GREB1L: variants seen among roughly 807,000 people sequenced by gnomAD.
GREB1L encodes the protein GREB1-like protein.
In GREB1L, 17 loss-of-function variants were observed where a neutral mutation model predicts 200.8. The ratio of observed to expected loss-of-function variants is 0.08; its 90% CI spans 0.06 to 0.13. GREB1L has a LOEUF of 0.13. GREB1L is among the 10% of genes least tolerant of loss of function. GREB1L has a pLI of 1.00. For synonymous variants in GREB1L, 789 were observed against 893.0 expected (o/e 0.88, Z 2.08); for missense variants, 1,657 against 2,367.7 (o/e 0.70, Z 6.23).
chr18:21,518,307 A>G, intron 31 of GREB1L, 73 bp downstream of exon 31: 2 of 1,388,300 alleles, frequency 1.4e-6, no homozygotes, highest in Admixed American at 2.5e-5. Flanking sequence ...TGTTTACAAA[A>G]AAGGAGCCTG....
intron 2 of GREB1L, among the ~76,000 whole-genome samples, chr18:21,374,827 A>G (rs967409431): frequency 2.0e-5 from 3 of 151,460 alleles, no homozygotes; most frequent in Non-Finnish European, 2.9e-5. Context: ...TACTTAATCA[A>G]AAGGGGAACT....
intron 1 of GREB1L, among the ~76,000 whole-genome samples, chr18:21,243,785 T>C (rs934161333): frequency 3.3e-5 from 5 of 152,232 alleles, no homozygotes; most frequent in African/African-American, 1.2e-4. Context: ...GTAATACAGT[T>C]ACATGCATAT....
Position 21,252,983 on chromosome 18 carries a change from A to G in GREB1L, c.-120+10590A>G, listed in dbSNP as rs189461530. On this transcript the variant is annotated intron_variant, in intron 1 of 32. Transcript: ENST00000424526. ...TATTTCAGTCTTAGCTCATAAGCCAAATTATGAGAACAGAGCTTAGAAAAT... is the reference window on the plus strand; with the variant it reads ...TATTTCAGTCTTAGCTCATAAGCCAGATTATGAGAACAGAGCTTAGAAAAT... Among the ~76,000 whole-genome samples, 3 of 152,338 alleles carry G rather than the reference A, an allele frequency of 2.0e-5. 1 individual carries two copies. The highest frequency in any genetic ancestry group is 1.3e-4 in the Admixed American group (2 of 15,298).
At chr18:21,430,581 C>CTTTTTTT (rs147151717) in intron 7 of GREB1L, among the ~76,000 whole-genome samples, 1 of 60,216 alleles carries the variant, frequency 1.7e-5, no homozygotes, top group Non-Finnish European at 3.1e-5. Flanking sequence ...GATTTGGGAT[C>CTTTTTTT]TTTTTTTTTT....
chr18:21,479,055 T>C (rs1278161713), intron 17 of GREB1L, among the ~76,000 whole-genome samples: 5 of 151,926 alleles, frequency 3.3e-5, no homozygotes, highest in African/African-American at 1.2e-4. Context: ...TTAATTTTTG[T>C]TTTTTTAATA....
chr18:21,273,325 A>C (rs1321817083), intron 1 of GREB1L, among the ~76,000 whole-genome samples: 1 of 152,234 alleles, frequency 6.6e-6, no homozygotes, highest in Non-Finnish European at 1.5e-5. Flanking sequence ...ATTTTGTCAC[A>C]TCTAGTTCTA....
chr18:21,448,672 G>A (rs1293225448), intron 11 of GREB1L, among the ~76,000 whole-genome samples: 1 of 152,200 alleles, frequency 6.6e-6, no homozygotes, highest in Non-Finnish European at 1.5e-5. Flanking sequence ...AGAAATGATT[G>A]AATAGAGGGA....
At chr18:21,386,523 T>C (rs1229110580) in intron 4 of GREB1L, among the ~76,000 whole-genome samples, 1 of 151,020 alleles carries the variant, frequency 6.6e-6, no homozygotes, top group East Asian at 2.0e-4. Context: ...ACTCCTGACC[T>C]CATGATCCAC....
At chr18:21,519,403 CA>C (rs1190546201) in intron 31 of GREB1L, among the ~76,000 whole-genome samples, 1 of 152,134 alleles carries the variant, frequency 6.6e-6, no homozygotes, top group Non-Finnish European at 1.5e-5. Context: ...TTCAAGGTTG[CA>C]GTGATCTGAT....
intron 17 of GREB1L, among the ~76,000 whole-genome samples, chr18:21,482,320 C>T (rs2145779359): frequency 6.6e-6 from 1 of 152,340 alleles, no homozygotes; most frequent in East Asian, 1.9e-4. Context: ...TGCAGTGGCA[C>T]GATCTCAGCT....
chr18:21,269,670 A>G (rs1228605290), intron 1 of GREB1L, among the ~76,000 whole-genome samples: 2 of 152,240 alleles, frequency 1.3e-5, no homozygotes, highest in Non-Finnish European at 2.9e-5. Context: ...AATAGTAAGA[A>G]AAAAAAGGAT....
At position 21,481,524 on chromosome 18, in the gene GREB1L, G is replaced by A. The variant is rs866791449; in HGVS notation, c.2557-4096G>A. Among the ~76,000 whole-genome samples, 71 of 137,380 alleles carry A rather than the reference G, an allele frequency of 5.2e-4. No homozygotes were observed. In the Middle Eastern group the frequency reaches 0.02, roughly 38 times the overall value. 90.1% of individuals were successfully genotyped at this position (137,380 alleles called of 152,430 possible). On this transcript the variant is annotated intron_variant, in intron 17 of 32. Transcript: ENST00000424526. ...CATTATTAGAATTTACCTGTTTCTT[G>A]TTTATATTAACAATGTAAATGTACA...
intron 1 of GREB1L, among the ~76,000 whole-genome samples, chr18:21,264,503 G>A (rs201921314): frequency 5.3e-5 from 8 of 152,220 alleles, no homozygotes; most frequent in African/African-American, 1.9e-4. Flanking sequence ...TAGAATACTC[G>A]GATTTAGAGG....
chr18:21,460,402 A>G (rs566404798), intron 15 of GREB1L, among the ~76,000 whole-genome samples: 1 of 152,082 alleles, frequency 6.6e-6, no homozygotes, highest in South Asian at 2.1e-4. Flanking sequence ...TTGGAGTGCA[A>G]TGGCACAGAC....
intron 4 of GREB1L, among the ~76,000 whole-genome samples, chr18:21,394,655 C>A (rs555714224): frequency 6.6e-6 from 1 of 152,236 alleles, no homozygotes; most frequent in South Asian, 2.1e-4. Flanking sequence ...TCACCAAATT[C>A]TGAGCTTCAG....
intron 1 of GREB1L, among the ~76,000 whole-genome samples, chr18:21,309,388 A>G (rs771707831): frequency 2.6e-5 from 4 of 152,180 alleles, no homozygotes; most frequent in Non-Finnish European, 5.9e-5. Flanking sequence ...GCCCCTGCCC[A>G]GTTGGGAAGG....
At chr18:21,320,860 G>A (rs2038940716) in intron 1 of GREB1L, among the ~76,000 whole-genome samples, 1 of 151,986 alleles carries the variant, frequency 6.6e-6, no homozygotes, top group South Asian at 2.1e-4. Flanking sequence ...AAGGACAGGA[G>A]GAGGATTGAA....
chr18:21,356,755 T>A (rs1191121561), intron 1 of GREB1L, among the ~76,000 whole-genome samples: 1 of 152,240 alleles, frequency 6.6e-6, no homozygotes, highest in Non-Finnish European at 1.5e-5. Flanking sequence ...CCATACTGTT[T>A]TCTGTAATGG....
intron 2 of GREB1L, among the ~76,000 whole-genome samples, chr18:21,377,859 G>A (rs1217068649): frequency 2.0e-5 from 3 of 151,698 alleles, no homozygotes; most frequent in Non-Finnish European, 2.9e-5. Flanking sequence ...GCAGTGAGCC[G>A]GGGTAGCGCT....
Sources: gnomAD v4.1 joint callset for allele counts (sites outside exome capture counted in the v4.1 genomes callset) on GRCh38, gnomAD v4.1.1 for gene constraint, MANE v1.5 for transcripts, NCBI Gene and HGNC (gene_info 2026-07-23, HGNC 2026-07-21) for gene names.